Variants in LINGO2 observed in about 807,000 individuals in gnomAD.
LINGO2 encodes the protein leucine-rich repeat and immunoglobulin-like domain-containing nogo receptor-interacting protein 2.
In LINGO2, 14 loss-of-function variants were observed where a neutral mutation model predicts 30.6. The observed-to-expected ratio is 0.46, with a 90% CI of 0.30 to 0.72. The LOEUF (loss-of-function observed/expected upper bound fraction) is 0.72, where lower values mean the gene tolerates loss of function less well. LINGO2 is among the 30% of genes least tolerant of loss of function. The probability of loss-of-function intolerance (pLI) is 0.07; values close to 1 mark genes in which losing one functional copy is unlikely to be tolerated. For missense variants in LINGO2, 729 were observed against 751.7 expected, an observed-to-expected ratio of 0.97 and a Z score of 0.35; for synonymous variants, 317 against 288.5, an observed-to-expected ratio of 1.10 and a Z score of -1.00.
At chr9:29,143,150 C>T in the LINGO2 span, among the ~76,000 whole-genome samples, 1 of 151,976 alleles carries the variant, frequency 6.6e-6, no homozygotes, top group African/African-American at 2.4e-5. Flanking sequence ...TAAAAACATA[C>T]AAATAAGTGG....
chr9:28,152,707 T>C (rs1828034362), intron 4 of LINGO2, among the ~76,000 whole-genome samples: 1 of 152,128 alleles, frequency 6.6e-6, no homozygotes, highest in Non-Finnish European at 1.5e-5. Context: ...CTTCATTCCC[T>C]ACTCAAAATT....
intron 3 of LINGO2, among the ~76,000 whole-genome samples, chr9:28,325,583 C>T (rs1410784177): frequency 1.3e-5 from 2 of 152,066 alleles, no homozygotes; most frequent in Admixed American, 6.6e-5. Flanking sequence ...GTGAATAAGT[C>T]TCACAGGACC....
At chr9:28,604,503 T>C (rs987227810) in intron 1 of LINGO2, among the ~76,000 whole-genome samples, 1 of 152,040 alleles carries the variant, frequency 6.6e-6, no homozygotes, top group Admixed American at 6.6e-5. Context: ...ATCATGTGTT[T>C]TTCAGTAGAT....
chr9:28,464,615 T>A (rs1343099468), intron 2 of LINGO2, among the ~76,000 whole-genome samples: 1 of 152,214 alleles, frequency 6.6e-6, no homozygotes, highest in Non-Finnish European at 1.5e-5. Flanking sequence ...CATGCCTAAA[T>A]GAATAGGTCA....
At chr9:29,126,641 G>A in the LINGO2 span, among the ~76,000 whole-genome samples, 1 of 151,864 alleles carries the variant, frequency 6.6e-6, no homozygotes, top group African/African-American at 2.4e-5. Flanking sequence ...ATTTATGTAG[G>A]GCTTAATGGT....
intron 4 of LINGO2, among the ~76,000 whole-genome samples, chr9:28,268,459 T>TA (rs1371158245): frequency 6.6e-6 from 1 of 152,080 alleles, no homozygotes; most frequent in Non-Finnish European, 1.5e-5. Context: ...GGTTTTCAGG[T>TA]AATTGCATTT....
At chr9:28,960,051 A>G in the LINGO2 span, among the ~76,000 whole-genome samples, 1 of 152,184 alleles carries the variant, frequency 6.6e-6, no homozygotes, top group East Asian at 1.9e-4. Context: ...TGTTCACACT[A>G]TTCAGACTCA....
the LINGO2 span, among the ~76,000 whole-genome samples, chr9:28,794,191 C>A: frequency 6.6e-6 from 1 of 152,132 alleles, no homozygotes; most frequent in Non-Finnish European, 1.5e-5. Flanking sequence ...GTAGTCCCAG[C>A]TACTCAGGAG....
intron 4 of LINGO2, among the ~76,000 whole-genome samples, chr9:28,186,055 C>G (rs138019785): frequency 6.6e-6 from 1 of 152,274 alleles, no homozygotes; most frequent in Non-Finnish European, 1.5e-5. Context: ...CCGTCTTCTT[C>G]CATTCTCCTT....
the LINGO2 span, among the ~76,000 whole-genome samples, chr9:29,207,010 G>C: frequency 7.9e-5 from 12 of 151,690 alleles, no homozygotes; most frequent in African/African-American, 2.9e-4. Flanking sequence ...CTTTCATCAG[G>C]CTATATGTGT....
chr9:29,178,272 C>T, the LINGO2 span, among the ~76,000 whole-genome samples: 17 of 152,018 alleles, frequency 1.1e-4, no homozygotes, highest in African/African-American at 2.9e-4. Context: ...GGCAGAGTGG[C>T]CTCGAACTCC....
intron 3 of LINGO2, among the ~76,000 whole-genome samples, chr9:28,360,041 C>A (rs991689938): frequency 1.1e-4 from 16 of 152,108 alleles, no homozygotes; most frequent in African/African-American, 3.9e-4. Context: ...AGAGCATGTA[C>A]ACTAAAACTT....
At chr9:28,105,146 A>C (rs1826545954) in intron 4 of LINGO2, among the ~76,000 whole-genome samples, 1 of 152,206 alleles carries the variant, frequency 6.6e-6, no homozygotes, top group South Asian at 2.1e-4. Context: ...AATATGCATG[A>C]ACAGCTGAAG....
intron 2 of LINGO2, among the ~76,000 whole-genome samples, chr9:28,469,446 G>A (rs1030394421): frequency 3.3e-5 from 5 of 152,030 alleles, no homozygotes; most frequent in African/African-American, 1.2e-4. Flanking sequence ...TTGAGGAAAT[G>A]CATGAATCTA....
At chr9:28,419,420 T>C (rs1179473457) in intron 2 of LINGO2, among the ~76,000 whole-genome samples, 1 of 152,110 alleles carries the variant, frequency 6.6e-6, no homozygotes, top group Non-Finnish European at 1.5e-5. Flanking sequence ...ATTTTCCAGA[T>C]GTGGAAATAG....
At chr9:28,355,710 C>CG (rs1354076301) in intron 3 of LINGO2, among the ~76,000 whole-genome samples, 1 of 152,062 alleles carries the variant, frequency 6.6e-6, no homozygotes, top group Non-Finnish European at 1.5e-5. Context: ...AGTGAAGGAT[C>CG]GAAACCCTAG....
chr9:28,822,653 C>T, the LINGO2 span, among the ~76,000 whole-genome samples: 1 of 152,106 alleles, frequency 6.6e-6, no homozygotes, highest in Non-Finnish European at 1.5e-5. Context: ...TTCTCCTGTG[C>T]TGGATGCTTC....
chr9:29,070,985 G>A, the LINGO2 span, among the ~76,000 whole-genome samples: 2 of 150,064 alleles, frequency 1.3e-5, no homozygotes, highest in Non-Finnish European at 3.0e-5. Context: ...TTAAACTTTT[G>A]TATAAATCTA....
the LINGO2 span, among the ~76,000 whole-genome samples, chr9:29,015,662 A>G: frequency 2.0e-5 from 3 of 152,164 alleles, no homozygotes; most frequent in Non-Finnish European, 2.9e-5. Flanking sequence ...TACAATCTAT[A>G]GATTAAAAAA....
Sources: gnomAD v4.1 joint callset for allele counts (sites outside exome capture counted in the v4.1 genomes callset) on GRCh38, gnomAD v4.1.1 for gene constraint, MANE v1.5 for transcripts, NCBI Gene and HGNC (gene_info 2026-07-23, HGNC 2026-07-21) for gene names.